Variants in GTF2E2 observed in about 807,000 individuals in gnomAD.
The protein encoded by GTF2E2 is general transcription factor IIE subunit 2.
In GTF2E2, 21 loss-of-function variants were observed where a neutral mutation model predicts 40.5. That is an observed-to-expected ratio of 0.52 (90% confidence interval 0.37 to 0.75). GTF2E2 has a LOEUF of 0.75. Ranked by LOEUF, GTF2E2 falls within the 30% of genes least tolerant of loss-of-function variation. The pLI is 0.00. For missense variants in GTF2E2, 298 were observed against 338.4 expected, an observed-to-expected ratio of 0.88 and a Z score of 0.94; for synonymous variants, 117 against 121.6, an observed-to-expected ratio of 0.96 and a Z score of 0.25.
chr8:30,608,680 CT>C (rs1013726516), intron 5 of GTF2E2, among the ~76,000 whole-genome samples: 3 of 152,156 alleles, frequency 2.0e-5, no homozygotes, highest in Non-Finnish European at 2.9e-5. Flanking sequence ...GAAATACTTA[CT>C]GGGGGCCAGG....
chr8:30,639,915 C>A (rs1236001321), intron 2 of GTF2E2, among the ~76,000 whole-genome samples: 1 of 151,404 alleles, frequency 6.6e-6, no homozygotes, highest in African/African-American at 2.4e-5. Flanking sequence ...ATCTAGAAAC[C>A]ATTTGTGCTT....
chr8:30,656,590 C>G (rs13278841), intron 1 of GTF2E2, among the ~76,000 whole-genome samples: 108,754 of 152,064 alleles, frequency 0.72, 39,344 homozygotes, highest in Middle Eastern at 0.78. Context: ...GGGCGGATCA[C>G]GAGGTCAGGA....
At chr8:30,586,296 C>T (rs575743614) in intron 6 of GTF2E2, among the ~76,000 whole-genome samples, 3 of 152,188 alleles carry the variant, frequency 2.0e-5, no homozygotes, top group East Asian at 1.9e-4. Context: ...TTCTTGTGTG[C>T]TACACAGAAA....
chr8:30,587,273 T>G (rs1828709643), intron 6 of GTF2E2, among the ~76,000 whole-genome samples: 1 of 151,972 alleles, frequency 6.6e-6, no homozygotes, highest in Non-Finnish European at 1.5e-5. Flanking sequence ...ATTAGCCAAG[T>G]TTGGCAGTAC....
intron 5 of GTF2E2, among the ~76,000 whole-genome samples, chr8:30,611,181 G>A (rs1829465040): frequency 6.6e-6 from 1 of 152,172 alleles, no homozygotes; most frequent in Non-Finnish European, 1.5e-5. Flanking sequence ...GACAAGGTTT[G>A]GAGTAACTGC....
chr8:30,628,886 G>T (rs1360207197), intron 3 of GTF2E2, among the ~76,000 whole-genome samples: 1 of 150,530 alleles, frequency 6.6e-6, no homozygotes, highest in Non-Finnish European at 1.5e-5. Context: ...AGCTGAGACA[G>T]TGCCACTGCA....
At position 30,628,302 on chromosome 8, in the gene GTF2E2, C is replaced by T. The variant is rs117852425; in HGVS notation, c.258+6730G>A. Among the ~76,000 whole-genome samples the T allele has an allele frequency of 5.5e-3, 842 of 152,318 alleles. 4 individuals are homozygous for T. Among genetic ancestry groups the T allele is most frequent in the Non-Finnish European group, 9.7e-3 (658 of 68,028 alleles). ...AGGTTTCCTCTGCCTATACTACTGA[C>T]TTGCACAAGAGTGGAGATCCTTCCT... On this transcript the variant is annotated intron_variant, in intron 3 of 7. Coordinates refer to ENST00000355904, the MANE Select transcript of GTF2E2 (RefSeq NM_002095.6).
chr8:30,580,456 T>G, intron 6 of GTF2E2, 60 bp from the exon 7 acceptor site: 2 of 957,218 alleles, frequency 2.1e-6, no homozygotes, highest in Admixed American at 3.5e-5. Context: ...AGCATCTTGA[T>G]CAAAATCCAG....
intron 1 of GTF2E2, among the ~76,000 whole-genome samples, chr8:30,655,067 G>GACT (rs1386179235): frequency 2.6e-5 from 4 of 152,026 alleles, no homozygotes; most frequent in Admixed American, 2.6e-4. Context: ...CAGTCATAGT[G>GACT]ACACATACGT....
chr8:30,641,393 C>T (rs181763963), intron 2 of GTF2E2, among the ~76,000 whole-genome samples: 22 of 152,270 alleles, frequency 1.4e-4, no homozygotes, highest in Admixed American at 1.4e-3. Flanking sequence ...GACAGGGTCT[C>T]ACTCTATCAC....
chr8:30,585,604 T>A (rs1828658619), intron 6 of GTF2E2, among the ~76,000 whole-genome samples: 1 of 152,010 alleles, frequency 6.6e-6, no homozygotes, highest in Non-Finnish European at 1.5e-5. Context: ...AAGGTTTTAT[T>A]AATAATATGC....
At chr8:30,580,871 C>T (rs559186643) in intron 6 of GTF2E2, among the ~76,000 whole-genome samples, 5 of 152,236 alleles carry the variant, frequency 3.3e-5, no homozygotes, top group Middle Eastern at 3.4e-3. Context: ...AATCAAATAA[C>T]CTGGTAACTG....
At chr8:30,596,549 T>C (rs1355458082) in intron 6 of GTF2E2, among the ~76,000 whole-genome samples, 1 of 152,260 alleles carries the variant, frequency 6.6e-6, no homozygotes, top group Non-Finnish European at 1.5e-5. Context: ...ACAGTTATTT[T>C]AGATTCCATG....
chr8:30,627,562 C>T (rs1047082996), intron 3 of GTF2E2, among the ~76,000 whole-genome samples: 1 of 151,516 alleles, frequency 6.6e-6, no homozygotes, highest in Non-Finnish European at 1.5e-5. Flanking sequence ...GATGCAGTGG[C>T]GCACACCTAT....
chr8:30,581,689 C>T (rs1187175851), intron 6 of GTF2E2, among the ~76,000 whole-genome samples: 3 of 152,200 alleles, frequency 2.0e-5, no homozygotes, highest in African/African-American at 4.8e-5. Flanking sequence ...ACCCACTGAA[C>T]GTTCATCTGC....
At chr8:30,613,545 A>G (rs141814141) in intron 4 of GTF2E2, among the ~76,000 whole-genome samples, 210 of 152,360 alleles carry the variant, frequency 1.4e-3, no homozygotes, top group African/African-American at 4.5e-3. Context: ...TAGTAAAATG[A>G]TCAAAGTCAT....
chr8:30,625,879 G>A (rs1003906616), intron 3 of GTF2E2, among the ~76,000 whole-genome samples: 12 of 152,160 alleles, frequency 7.9e-5, no homozygotes, highest in East Asian at 3.9e-4. Flanking sequence ...GATTACAGGC[G>A]TGAGCCACCG....
At chr8:30,582,186 T>TG (rs981416629) in intron 6 of GTF2E2, among the ~76,000 whole-genome samples, 16 of 151,926 alleles carry the variant, frequency 1.1e-4, no homozygotes, top group African/African-American at 2.7e-4. Context: ...AAGTTGTTTC[T>TG]GGGGGGGTGG....
intron 5 of GTF2E2, among the ~76,000 whole-genome samples, chr8:30,607,884 TAGA>T (rs1348880902): frequency 6.6e-6 from 1 of 152,102 alleles, no homozygotes; most frequent in Non-Finnish European, 1.5e-5. Context: ...AATAAGAAAA[TAGA>T]AGAATGATTA....
Sources: allele counts gnomAD v4.1 joint callset (sites outside exome capture counted in the v4.1 genomes callset), GRCh38; gene constraint gnomAD v4.1.1; transcripts MANE v1.5; gene names NCBI Gene and HGNC (gene_info 2026-07-23, HGNC 2026-07-21).